The following DEF6 variants were observed in gnomAD, a reference collection of about 807,000 sequenced individuals.
The protein encoded by DEF6 is differentially expressed in FDCP 6 homolog.
DEF6 carries 32 observed loss-of-function variants against 80.5 expected under a neutral mutation model. The ratio of observed to expected loss-of-function variants is 0.40; its 90% CI spans 0.30 to 0.53. DEF6 has a LOEUF of 0.53. Among genes scored for constraint, DEF6 ranks in the 20% least tolerant of loss-of-function variants. DEF6 has a pLI of 0.57. For synonymous variants in DEF6, 300 were observed against 337.9 expected, an observed-to-expected ratio of 0.89 and a Z score of 1.23; for missense variants, 575 against 818.7, an observed-to-expected ratio of 0.70 and a Z score of 3.63.
chr6:35,309,932 C>A, intron 2 of DEF6, 122 bp downstream of exon 2: 2 of 1,153,868 alleles, frequency 1.7e-6, no homozygotes, highest in Admixed American at 2.2e-5. Context: ...TCTGCCTGCT[C>A]TGTCCGTGAC....
Position 35,319,742 on chromosome 6 carries a change from C to A in DEF6, c.1382+52C>A, listed in dbSNP as rs1410163839. ...CTCTCACCACCCCTCCTGGAACACA[C>A]CCCAGTTTTCCTGCTTGCTGTGCAC... On this transcript the variant is annotated intron_variant, in intron 8 of 10. Coordinates refer to ENST00000316637, the MANE Select transcript of DEF6 (RefSeq NM_022047.4). This position sits in a 1 kb window ranked among gnomAD's most constrained non-coding sequence, Gnocchi z 4.5. 1 of 1,609,950 alleles carries A rather than the reference C, an allele frequency of 6.2e-7. No individual in the cohort carries two copies. The highest frequency in any genetic ancestry group is 8.5e-7 in the Non-Finnish European group (1 of 1,177,076).
chr6:35,309,339 A>G (rs932251363), intron 1 of DEF6, among the ~76,000 whole-genome samples: 6 of 152,172 alleles, frequency 3.9e-5, no homozygotes, highest in African/African-American at 1.4e-4. Context: ...CCAATACCTA[A>G]TGAAGTGGCT....
Position 35,297,835 on chromosome 6 carries a change from C to T in DEF6, c.-22C>T, listed in dbSNP as rs777446504. On this transcript the variant is annotated 5_prime_UTR_variant, in exon 1 of 11. Coordinates refer to ENST00000316637, the MANE Select transcript of DEF6 (RefSeq NM_022047.4). ...CGGATCTTAGTGTCAGAGCCGCCCC[C>T]AGCCGGGCGGGCGCCTCAGCCATGG... 7 of 1,573,920 alleles carry T rather than the reference C, an allele frequency of 4.4e-6. No homozygotes were observed. Among genetic ancestry groups the T allele is most frequent in the African/African-American group, 1.3e-5 (1 of 74,598 alleles).
At chr6:35,299,001 A>G (rs866493374) in intron 1 of DEF6, among the ~76,000 whole-genome samples, 1 of 152,296 alleles carries the variant, frequency 6.6e-6, no homozygotes, top group African/African-American at 2.4e-5. Context: ...TGAGAGATGA[A>G]TGGGACAGAA....
intron 5 of DEF6, among the ~76,000 whole-genome samples, chr6:35,314,310 A>C (rs1026553770): frequency 5.3e-5 from 8 of 150,390 alleles, no homozygotes; most frequent in Non-Finnish European, 1.2e-4. Context: ...CAGGAGGCTG[A>C]GGCAGGAGAA....
At chr6:35,307,929 G>A (rs1791413160) in intron 1 of DEF6, among the ~76,000 whole-genome samples, 1 of 152,224 alleles carries the variant, frequency 6.6e-6, no homozygotes, top group Non-Finnish European at 1.5e-5. Flanking sequence ...AAGGTGAACT[G>A]CTGGTGGTGG....
chr6:35,309,916 C>G, intron 2 of DEF6, 106 bp downstream of exon 2: 1 of 1,317,000 alleles, frequency 7.6e-7, no homozygotes, highest in South Asian at 1.4e-5. Flanking sequence ...GCCATAAACT[C>G]CTACTTCTGC....
chr6:35,309,565 C>T, intron 1 of DEF6, 105 bp from the exon 2 acceptor site: 1 of 1,369,210 alleles, frequency 7.3e-7, no homozygotes, highest in Admixed American at 1.9e-5. Flanking sequence ...GTGTAGAGAA[C>T]TCAGCCAGGA....
intron 1 of DEF6, among the ~76,000 whole-genome samples, chr6:35,298,272 A>T (rs1208594153): frequency 6.6e-6 from 1 of 152,220 alleles, no homozygotes; most frequent in African/African-American, 2.4e-5. Flanking sequence ...ACTCTGTGTG[A>T]TGAGCACACA....
intron 1 of DEF6, among the ~76,000 whole-genome samples, chr6:35,308,712 T>C (rs2150386458): frequency 7.4e-6 from 1 of 135,390 alleles, no homozygotes; most frequent in East Asian, 2.1e-4. Context: ...TAAAATAAAA[T>C]AAAATAAAAT....
chr6:35,310,401 C>T, intron 2 of DEF6, 58 bp from the exon 3 acceptor site: 1 of 1,587,570 alleles, frequency 6.3e-7, no homozygotes, highest in Non-Finnish European at 8.6e-7. Flanking sequence ...CCAGCTGGAG[C>T]CTAGTGTCGT....
At chr6:35,321,111 T>G (rs1263851558) in intron 10 of DEF6, 76 bp from the exon 11 acceptor site, 22 of 1,568,482 alleles carry the variant, frequency 1.4e-5, no homozygotes, top group Non-Finnish European at 1.9e-5. Context: ...CCCTCTCCTC[T>G]GAGGGCTGAG....
chr6:35,311,945 C>T (rs183054658), intron 3 of DEF6, among the ~76,000 whole-genome samples: 122 of 152,112 alleles, frequency 8.0e-4, no homozygotes, highest in African/African-American at 2.7e-3. Context: ...TTTTTTTGGT[C>T]ATCTGCAAAA....
At chr6:35,307,429 A>G (rs1791407998) in intron 1 of DEF6, among the ~76,000 whole-genome samples, 1 of 152,246 alleles carries the variant, frequency 6.6e-6, no homozygotes, top group African/African-American at 2.4e-5. Context: ...GTAGTTTGAA[A>G]AGAGGCCAAG....
chr6:35,308,817 T>G (rs1036777434), intron 1 of DEF6, among the ~76,000 whole-genome samples: 5 of 152,158 alleles, frequency 3.3e-5, no homozygotes, highest in African/African-American at 1.2e-4. Flanking sequence ...ATGGTAAGTG[T>G]GCAATAGTAA....
chr6:35,319,950 T>C lies in DEF6; in HGVS notation c.1514T>C (p.Leu505Pro). The change falls in exon 9 of 11, where the codon CTG becomes CCG. Residue 505 changes from leucine (L) to proline (P), a missense_variant. Physicochemically the swap from Leu to Pro is moderately conservative, Grantham distance 98. Transcript: ENST00000316637. The surrounding 1 kb of genome is among the most constrained non-coding windows in gnomAD (Gnocchi z 4.5). ...QQEMAQQSRSLQQAQQQLEEV... is the reference protein window; with the variant it reads ...QQEMAQQSRSPQQAQQQLEEV... ...GAGATGGCACAGCAGAGCCGCTCCC[T>C]GCAGCAGGCCCAGCAGCAGCTGGAG... 3.8e-6 allele frequency: 6 copies of C among 1,567,346 alleles called. No homozygotes were observed. Among genetic ancestry groups the C allele is most frequent in the Non-Finnish European group, 5.2e-6 (6 of 1,155,558 alleles).
At chr6:35,307,074 C>T (rs971001810) in intron 1 of DEF6, among the ~76,000 whole-genome samples, 1 of 152,198 alleles carries the variant, frequency 6.6e-6, no homozygotes, top group African/African-American at 2.4e-5. Context: ...TTGTATCTCT[C>T]CCATGAGTGT....
At chr6:35,306,194 C>G (rs935613121) in intron 1 of DEF6, among the ~76,000 whole-genome samples, 1 of 149,384 alleles carries the variant, frequency 6.7e-6, no homozygotes, top group Non-Finnish European at 1.5e-5. Context: ...GCACCCGGCC[C>G]AAAAAAATTT....
At chr6:35,303,965 C>G (rs772727763) in intron 1 of DEF6, among the ~76,000 whole-genome samples, 5 of 152,144 alleles carry the variant, frequency 3.3e-5, no homozygotes, top group Admixed American at 6.5e-5. Context: ...AACCCCATCT[C>G]TACTAAAAAT....
Sources: allele counts gnomAD v4.1 joint callset (sites outside exome capture counted in the v4.1 genomes callset), GRCh38; gene constraint gnomAD v4.1.1; non-coding constraint Gnocchi (gnomAD v3.1); transcripts MANE v1.5; gene names NCBI Gene and HGNC (gene_info 2026-07-23, HGNC 2026-07-21).